Variants in PRPSAP1 observed in about 807,000 individuals in gnomAD.
PRPSAP1 encodes phosphoribosyl pyrophosphate synthase-associated protein 1.
In PRPSAP1, 31 loss-of-function variants were observed where a neutral mutation model predicts 39.4. That is an observed-to-expected ratio of 0.79 (90% CI 0.59 to 1.06). The LOEUF (loss-of-function observed/expected upper bound fraction) is 1.06. Among genes scored for constraint, PRPSAP1 ranks in the 50% least tolerant of loss-of-function variants. PRPSAP1 has a pLI of 0.00. For synonymous variants in PRPSAP1, 212 were observed against 192.6 expected, an observed-to-expected ratio of 1.10 and a Z score of -0.83; for missense variants, 430 against 511.6, an observed-to-expected ratio of 0.84 and a Z score of 1.54.
rs573379518 is a variant in PRPSAP1, at chr17:76,332,663, A to C, written c.291-228T>G. On this transcript the variant is annotated intron_variant, in intron 3 of 9. Coordinates refer to ENST00000446526, the MANE Select transcript of PRPSAP1 (RefSeq NM_002766.3). ...GTTACTCCTATTCACAGCACAGTTA[A>C]CCCACCCTCACATTTGCCTGGGTCT... Among the ~76,000 whole-genome samples, 89 of 151,886 alleles carry C rather than the reference A, an allele frequency of 5.9e-4. 1 individual carries two copies. Among genetic ancestry groups the C allele is most frequent in the South Asian group, 3.7e-3 (18 of 4,804 alleles).
rs2071331120 is a variant in PRPSAP1, at chr17:76,332,353, T to C, written c.373A>G (p.Ile125Val). The C allele has an allele frequency of 6.2e-7, 1 of 1,614,096 alleles. No individual in the cohort carries two copies. The highest frequency in any genetic ancestry group is 8.5e-7 in the Non-Finnish European group (1 of 1,180,048). Reference sequence around the variant, plus strand: ...TGCTTGCTGTAGGGGAAGTAGGGGATGACCCCAATAATGTTCCTGGCACAG... The same window carrying C: ...TGCTTGCTGTAGGGGAAGTAGGGGACGACCCCAATAATGTTCCTGGCACAG... ...TACARNIIGV[I>V]PYFPYSKQSK... The change falls in exon 4 of 10, where the codon ATC becomes GTC. Residue 125 changes from isoleucine to valine, a missense_variant. This residue lies in a region of PRPSAP1 where 278 missense variants were observed against 376.3 expected (regional missense o/e 0.74). Coordinates refer to ENST00000446526, the MANE Select transcript of PRPSAP1 (RefSeq NM_002766.3).
intron 3 of PRPSAP1, among the ~76,000 whole-genome samples, chr17:76,344,262 G>A (rs1180508295): frequency 4.6e-5 from 7 of 152,156 alleles, no homozygotes; most frequent in Non-Finnish European, 1.0e-4. Context: ...TAAGTAGCTG[G>A]GACTATAGGT....
chr17:76,350,396 G>A (rs543486154), intron 1 of PRPSAP1, among the ~76,000 whole-genome samples: 121 of 151,644 alleles, frequency 8.0e-4, no homozygotes, highest in African/African-American at 2.8e-3. Context: ...CAGAGATCGT[G>A]CCACTGCACT....
At chr17:76,323,159 T>G (rs1423159939) in intron 7 of PRPSAP1, among the ~76,000 whole-genome samples, 1 of 104,866 alleles carries the variant, frequency 9.5e-6, no homozygotes, top group Non-Finnish European at 1.9e-5. Flanking sequence ...CTGGCCAACA[T>G]GGTGAAACCC....
intron 3 of PRPSAP1, among the ~76,000 whole-genome samples, chr17:76,333,401 T>C (rs930123267): frequency 1.3e-5 from 2 of 152,154 alleles, no homozygotes; most frequent in Non-Finnish European, 2.9e-5. Flanking sequence ...TGACCCACTA[T>C]ACCCAGCTGG....
At chr17:76,351,717 TACTG>T (rs2071575468) in intron 1 of PRPSAP1, among the ~76,000 whole-genome samples, 1 of 152,124 alleles carries the variant, frequency 6.6e-6, no homozygotes, top group South Asian at 2.1e-4. Flanking sequence ...AACAAAATCT[TACTG>T]AGCGACAAGT....
chr17:76,316,234 A>G (rs993997597), intron 7 of PRPSAP1, among the ~76,000 whole-genome samples: 1 of 152,000 alleles, frequency 6.6e-6, no homozygotes, highest in Non-Finnish European at 1.5e-5. Flanking sequence ...CTCTCATCAA[A>G]TATCAATGGA....
chr17:76,354,060 T>A, upstream of PRPSAP1: 1 of 1,074,898 alleles, frequency 9.3e-7, no homozygotes, highest in African/African-American at 1.7e-5. Flanking sequence ...CCGCCCCTGC[T>A]TTGACCGCTT....
intron 7 of PRPSAP1, among the ~76,000 whole-genome samples, chr17:76,327,375 C>T (rs1433052545): frequency 2.0e-5 from 3 of 150,778 alleles, no homozygotes; most frequent in Non-Finnish European, 4.4e-5. Context: ...TAAAAATAGG[C>T]CGGGCACGGT....
At chr17:76,346,765 C>T (rs539642752) in intron 2 of PRPSAP1, among the ~76,000 whole-genome samples, 2 of 152,200 alleles carry the variant, frequency 1.3e-5, no homozygotes, top group Non-Finnish European at 2.9e-5. Flanking sequence ...GGCGCGGTGG[C>T]TCCGCCTGTA....
rs879869187 is a variant in PRPSAP1, at chr17:76,326,930, G to GA, written c.781+1786dup. Among the ~76,000 whole-genome samples the GA allele has an allele frequency of 1.7e-3, 250 of 144,966 alleles. 2 individuals carry two copies. Among genetic ancestry groups the GA allele is most frequent in the African/African-American group, 3.1e-3 (123 of 39,728 alleles). Reference sequence around the variant, plus strand: ...GTCTGCAACTCACCCTCAAATGGTGGAAAAAAAAAAACCCCATGTATATAA... The same window carrying GA: ...GTCTGCAACTCACCCTCAAATGGTGGAAAAAAAAAAAACCCCATGTATATAA... On this transcript the variant is annotated intron_variant, in intron 7 of 9. Coordinates refer to ENST00000446526, the MANE Select transcript of PRPSAP1 (RefSeq NM_002766.3).
intron 7 of PRPSAP1, among the ~76,000 whole-genome samples, chr17:76,322,347 G>A (rs2071206864): frequency 6.6e-6 from 1 of 152,182 alleles, no homozygotes; most frequent in Non-Finnish European, 1.5e-5. Context: ...ACTAAGCCGA[G>A]ATCGTGCCAT....
chr17:76,347,471 A>G (rs1056397403), intron 2 of PRPSAP1, among the ~76,000 whole-genome samples: 2 of 132,352 alleles, frequency 1.5e-5, no homozygotes, highest in Non-Finnish European at 3.1e-5. Context: ...TGGGTGACAG[A>G]GCAAGACTCC....
intron 7 of PRPSAP1, among the ~76,000 whole-genome samples, chr17:76,321,513 A>T (rs905258878): frequency 4.0e-5 from 6 of 151,452 alleles, no homozygotes; most frequent in African/African-American, 1.5e-4. Context: ...AAACTCTGTC[A>T]CACACACACA....
chr17:76,346,553 G>T (rs932557534), intron 2 of PRPSAP1, among the ~76,000 whole-genome samples: 3 of 152,172 alleles, frequency 2.0e-5, no homozygotes, highest in African/African-American at 7.2e-5. Flanking sequence ...TTCCAGTGAT[G>T]CCACTGAGAT....
chr17:76,345,178 T>C (rs1387247459), intron 2 of PRPSAP1, among the ~76,000 whole-genome samples: 1 of 135,670 alleles, frequency 7.4e-6, no homozygotes, highest in East Asian at 2.1e-4. Context: ...GAGCTTGCAG[T>C]GAGCCGAGAT....
At chr17:76,352,644 CAAAAAAAAAAAAA>C (rs55986677) in intron 1 of PRPSAP1, among the ~76,000 whole-genome samples, 2 of 53,588 alleles carry the variant, frequency 3.7e-5, no homozygotes, top group Non-Finnish European at 7.8e-5. Flanking sequence ...GACTCCGTCT[CAAAAAAAAAAAAA>C]AAAAAAAAAA....
chr17:76,319,336 C>T (rs1406013518), intron 7 of PRPSAP1: 1 of 152,142 alleles, frequency 6.6e-6, no homozygotes, highest in Non-Finnish European at 1.5e-5. Flanking sequence ...CTGAGCATGT[C>T]CACCCTGAGC....
Position 76,330,584 on chromosome 17 carries a change from G to C in PRPSAP1, c.546C>G (p.Ala182=), listed in dbSNP as rs201141878. 2.1e-5 allele frequency: 34 copies of C among 1,611,686 alleles called. No homozygotes were observed. In the South Asian group the frequency reaches 3.7e-4, roughly 18 times the overall value. ...GGATATACTGAAGCAGGAAAGGTGAGGCTCTAAGGTTGTCCACAGGAAAGC... is the reference window on the plus strand; with the variant it reads ...GGATATACTGAAGCAGGAAAGGTGACGCTCTAAGGTTGTCCACAGGAAAGC... ...FFSFPVDNLR[A]SPFLLQYIQE... is the part of the protein sequence containing the mutation. Residue 182 remains alanine (A), a synonymous_variant, in exon 5 of 10, where the codon GCC becomes GCG. Transcript: ENST00000446526.
Sources: allele counts gnomAD v4.1 joint callset (sites outside exome capture counted in the v4.1 genomes callset), GRCh38; gene constraint gnomAD v4.1.1; regional missense constraint gnomAD v4.1.1; transcripts MANE v1.5; gene names NCBI Gene and HGNC (gene_info 2026-07-23, HGNC 2026-07-21).